IL17A: variants seen among roughly 807,000 people sequenced by gnomAD.
IL17A encodes interleukin-17A.
Under a neutral mutation model 7.2 loss-of-function variants are expected in IL17A, and 1 was observed. The observed-to-expected ratio is 0.14, with a 90% CI of 0.05 to 0.66. The LOEUF (loss-of-function observed/expected upper bound fraction) is 0.66. IL17A is among the 30% of genes least tolerant of loss of function. IL17A has a pLI of 0.84. For missense variants in IL17A, 191 were observed against 197.1 expected (o/e 0.97, Z 0.18); for synonymous variants, 90 against 77.7 (o/e 1.16, Z -0.83).
intron 2 of IL17A, among the ~76,000 whole-genome samples, chr6:52,188,713 C>T (rs926012208): frequency 1.3e-5 from 2 of 152,192 alleles, no homozygotes; most frequent in Non-Finnish European, 1.5e-5. Context: ...CAAGTCTACT[C>T]TTCCTTTGGT....
At position 52,189,383 on chromosome 6, in the gene IL17A, C is replaced by T; in HGVS notation, c.*91C>T. 2 of 913,280 alleles carry T rather than the reference C, an allele frequency of 2.2e-6. No individual in the cohort carries two copies. Among genetic ancestry groups the T allele is most frequent in the Non-Finnish European group, 3.4e-6 (2 of 587,102 alleles). The allele number at this position is 913,280 out of a possible 1,614,324, so 56.6% of individuals were successfully genotyped here. On this transcript the variant is annotated 3_prime_UTR_variant, in exon 3 of 3. Coordinates refer to ENST00000648244, the MANE Select transcript of IL17A (RefSeq NM_002190.3). The stretch of plus-strand genomic sequence containing the variant: ...AACCCTCATCCTTCAAAGACAGCCT[C>T]ATTTCGGACTAAACTCATTAGAGTT...
At chr6:52,186,578 T>C in intron 1 of IL17A, 120 bp downstream of exon 1, 1 of 865,802 alleles carries the variant, frequency 1.2e-6, no homozygotes, top group South Asian at 1.6e-5. Flanking sequence ...ATATGTAGGA[T>C]AGGAAATGAA....
Position 52,187,768 on chromosome 6 carries a change from G to C in IL17A, c.193G>C (p.Asp65His). Residue 65 changes from aspartate (D) to histidine (H), a missense_variant, in exon 2 of 3, where the codon GAT becomes CAT. Transcript: ENST00000648244. ...NTNTNPKRSS[D>H]YYNRSTSPWN... ...CAATACCAATCCCAAAAGGTCCTCAGATTACTACAACCGATCCACCTCACC... is the reference window on the plus strand; with the variant it reads ...CAATACCAATCCCAAAAGGTCCTCACATTACTACAACCGATCCACCTCACC... 1.2e-6 allele frequency: 2 copies of C among 1,614,108 alleles called. No homozygotes were observed. Among genetic ancestry groups the C allele is most frequent in the Non-Finnish European group, 1.7e-6 (2 of 1,179,988 alleles).
chr6:52,189,312 C>T lies in IL17A; in HGVS notation c.*20C>T, dbSNP rs1010623828. The stretch of plus-strand genomic sequence containing the variant: ...GCCTAAGAGCTCTGGGGAGCCCACA[C>T]TCCCCAAAGCAGTTAGACTATGGAG... On this transcript the variant is annotated 3_prime_UTR_variant, in exon 3 of 3. Coordinates refer to ENST00000648244, the MANE Select transcript of IL17A (RefSeq NM_002190.3). The T allele has an allele frequency of 6.3e-7, 1 of 1,590,914 alleles. No homozygotes were observed. Among genetic ancestry groups the T allele is most frequent in the Non-Finnish European group, 8.6e-7 (1 of 1,160,036 alleles).
chr6:52,189,107 C>T lies in IL17A; in HGVS notation c.283C>T (p.Arg95Cys), dbSNP rs199987410. 2.1e-4 allele frequency: 333 copies of T among 1,614,126 alleles called. 1 individual carries two copies. The Admixed American group carries it at 5.0e-3, about 24-fold the overall frequency. Reference sequence around the variant, plus strand: ...CTCTGTGATCTGGGAGGCAAAGTGCCGCCACTTGGGCTGCATCAACGCTGA... The same window carrying T: ...CTCTGTGATCTGGGAGGCAAAGTGCTGCCACTTGGGCTGCATCAACGCTGA... ...YPSVIWEAKC[R>C]HLGCINADGN... The change falls in exon 3 of 3, where the codon CGC becomes TGC. Residue 95 changes from arginine (R) to cysteine (C), a missense_variant. Arg to Cys is a radical substitution (Grantham distance 180). Coordinates refer to ENST00000648244, the MANE Select transcript of IL17A (RefSeq NM_002190.3).
Position 52,189,517 on chromosome 6 carries a change from T to C in IL17A, c.*225T>C, listed in dbSNP as rs1357938903. ...GAAGGAAGGTTTGACTGAGTACCAA[T>C]TTGCTTCTTGTTTACTTTTTTAAGG... On this transcript the variant is annotated 3_prime_UTR_variant, in exon 3 of 3. Coordinates refer to ENST00000648244, the MANE Select transcript of IL17A (RefSeq NM_002190.3). 8.8e-6 allele frequency: 4 copies of C among 452,826 alleles called. No individual in the cohort carries two copies. Among genetic ancestry groups the C allele is most frequent in the African/African-American group, 5.9e-5 (3 of 50,482 alleles). 28.1% of individuals were successfully genotyped at this position (452,826 alleles called of 1,614,324 possible). A position where few individuals can be genotyped will look rare whatever the true frequency, so the allele number is the denominator to read the frequency against.
chr6:52,186,410 C>T lies in IL17A; in HGVS notation c.-22C>T. Reference sequence around the variant, plus strand: ...TAGCAGGCACAAACTCATCCATCCCCAGTTGATTGGAAGAAACAACGATGA... The same window carrying T: ...TAGCAGGCACAAACTCATCCATCCCTAGTTGATTGGAAGAAACAACGATGA... On this transcript the variant is annotated 5_prime_UTR_variant, in exon 1 of 3. Coordinates refer to ENST00000648244, the MANE Select transcript of IL17A (RefSeq NM_002190.3). The T allele has an allele frequency of 1.9e-6, 3 of 1,613,436 alleles. No homozygotes were observed. The highest frequency in any genetic ancestry group is 2.5e-6 in the Non-Finnish European group (3 of 1,179,404).
intron 1 of IL17A, 96 bp from the exon 2 acceptor site, chr6:52,187,507 T>C (rs1763305523): frequency 1.0e-6 from 1 of 953,128 alleles, no homozygotes; most frequent in South Asian, 1.3e-5. Flanking sequence ...GTGTTCTCTA[T>C]GATTAGCAAT....
chr6:52,186,734 A>T (rs1383744165), intron 1 of IL17A, among the ~76,000 whole-genome samples: 2 of 152,232 alleles, frequency 1.3e-5, no homozygotes, highest in African/African-American at 4.8e-5. Context: ...GTAAGAAAGA[A>T]AATTTATTGA....
In IL17A at chr6:52,189,307, C is replaced by T. The variant is rs758154956; in HGVS notation, c.*15C>T. On this transcript the variant is annotated 3_prime_UTR_variant, in exon 3 of 3. Coordinates refer to ENST00000648244, the MANE Select transcript of IL17A (RefSeq NM_002190.3). Reference sequence around the variant, plus strand: ...ATGTGGCCTAAGAGCTCTGGGGAGCCCACACTCCCCAAAGCAGTTAGACTA... The same window carrying T: ...ATGTGGCCTAAGAGCTCTGGGGAGCTCACACTCCCCAAAGCAGTTAGACTA... 6.3e-6 allele frequency: 10 copies of T among 1,591,744 alleles called. No homozygotes were observed. The highest frequency in any genetic ancestry group is 6.9e-6 in the Non-Finnish European group (8 of 1,160,346).
chr6:52,187,981 G>A (rs1763314041), intron 2 of IL17A, among the ~76,000 whole-genome samples, 176 bp downstream of exon 2: 1 of 152,032 alleles, frequency 6.6e-6, no homozygotes, highest in Non-Finnish European at 1.5e-5. Flanking sequence ...CCAAGCACAG[G>A]ACAGCCTCCA....
intron 2 of IL17A, among the ~76,000 whole-genome samples, chr6:52,188,685 T>C (rs1177552889): frequency 6.6e-6 from 1 of 152,186 alleles, no homozygotes; most frequent in African/African-American, 2.4e-5. Flanking sequence ...TAAACAGCTA[T>C]CTTATTCTAG....
chr6:52,186,461 G>A lies in IL17A; in HGVS notation c.27+3G>A, dbSNP rs1299231961. ...CTCCTGGGAAGACCTCATTGGTGGT[G>A]AGTCCTGCACTAACGTGCGATGCTC... On this transcript the variant is annotated splice_donor_region_variant and intron_variant, in intron 1 of 2. Coordinates refer to ENST00000648244, the MANE Select transcript of IL17A (RefSeq NM_002190.3). 25 of 1,613,822 alleles carry A rather than the reference G, an allele frequency of 1.5e-5. No individual in the cohort carries two copies. The highest frequency in any genetic ancestry group is 2.0e-5 in the Non-Finnish European group (24 of 1,179,850).
At chr6:52,187,142 T>C (rs1180370856) in intron 1 of IL17A, among the ~76,000 whole-genome samples, 1 of 152,210 alleles carries the variant, frequency 6.6e-6, no homozygotes, top group Non-Finnish European at 1.5e-5. Context: ...AGATTTTCTA[T>C]AGCTCTTTCT....
Position 52,190,106 on chromosome 6 carries a change from A to G in IL17A, c.*814A>G, listed in dbSNP as rs1041595218. ...TGGGAAGAGTTATGCAAATTCTCCT[A>G]TAAGCAAAACAAAGCATGTCTTTGA... is the stretch of plus-strand genomic sequence containing the variant. On this transcript the variant is annotated 3_prime_UTR_variant, in exon 3 of 3. Transcript: ENST00000648244. The G allele has an allele frequency of 4.6e-5, 7 of 152,180 alleles. No individual in the cohort carries two copies. Among genetic ancestry groups the G allele is most frequent in the African/African-American group, 1.7e-4 (7 of 41,450 alleles). The allele number at this position is 152,180 out of a possible 1,614,324, so 9.4% of individuals were successfully genotyped here.
chr6:52,187,893 A>C (rs748836819), intron 2 of IL17A, 88 bp downstream of exon 2: 1 of 1,145,994 alleles, frequency 8.7e-7, no homozygotes, highest in Non-Finnish European at 1.3e-6. Context: ...GGATGATTTT[A>C]TTCATTTAGA....
rs780929803 is a variant in IL17A, at chr6:52,189,248, G to A, written c.424G>A (p.Val142Met). 16 of 1,613,964 alleles carry A rather than the reference G, an allele frequency of 9.9e-6. No individual in the cohort carries two copies. The highest frequency in any genetic ancestry group is 1.3e-5 in the African/African-American group (1 of 74,922). Residue 142 changes from valine (V) to methionine (M), a missense_variant, in exon 3 of 3, where the codon GTG becomes ATG. Val to Met is a conservative substitution (Grantham distance 21, BLOSUM62 1). Transcript: ENST00000648244. The stretch of plus-strand genomic sequence containing the variant: ...CCGGCTGGAGAAGATACTGGTGTCC[G>A]TGGGCTGCACCTGTGTCACCCCGAT... ...SFRLEKILVS[V>M]GCTCVTPIVH...
At chr6:52,187,278 A>C (rs1377491154) in intron 1 of IL17A, among the ~76,000 whole-genome samples, 1 of 152,228 alleles carries the variant, frequency 6.6e-6, no homozygotes, top group Non-Finnish European at 1.5e-5. Flanking sequence ...ACAATGATGC[A>C]TGTGCTGATA....
intron 2 of IL17A, 139 bp downstream of exon 2, chr6:52,187,944 T>A: frequency 1.4e-6 from 1 of 704,542 alleles, no homozygotes; most frequent in Non-Finnish European, 2.4e-6. Context: ...GAAGAGCAAT[T>A]CTCAAACTTT....
Sources: gnomAD v4.1 joint callset for allele counts (sites outside exome capture counted in the v4.1 genomes callset) on GRCh38, gnomAD v4.1.1 for gene constraint, MANE v1.5 for transcripts, NCBI Gene and HGNC (gene_info 2026-07-23, HGNC 2026-07-21) for gene names.